Variants in DAB1 observed in about 807,000 individuals in gnomAD.
The protein encoded by DAB1 is disabled homolog 1.
Under a neutral mutation model 64.6 loss-of-function variants are expected in DAB1, and 15 were observed. The ratio of observed to expected loss-of-function variants is 0.23; its 90% confidence interval spans 0.16 to 0.36. The LOEUF (loss-of-function observed/expected upper bound fraction) is 0.36. Ranked by LOEUF, DAB1 falls within the 10% of genes least tolerant of loss-of-function variation. The probability of loss-of-function intolerance (pLI) is 1.00; values close to 1 mark genes in which losing one functional copy is unlikely to be tolerated. For missense variants in DAB1, 596 were observed against 706.7 expected (o/e 0.84, Z 1.78); for synonymous variants, 235 against 251.9 (o/e 0.93, Z 0.64).
intron 7 of DAB1, among the ~76,000 whole-genome samples, chr1:57,483,415 A>T (rs1427487092): frequency 2.0e-5 from 3 of 152,084 alleles, no homozygotes; most frequent in South Asian, 4.1e-4. Flanking sequence ...CTTGGTTCTC[A>T]TTCTCTCTTG....
chr1:57,542,566 G>A (rs1644814523), intron 7 of DAB1, among the ~76,000 whole-genome samples: 1 of 151,644 alleles, frequency 6.6e-6, no homozygotes, highest in South Asian at 2.1e-4. Context: ...CAAAGGAGGT[G>A]CAGGGAGAGG....
intron 4 of DAB1, among the ~76,000 whole-genome samples, chr1:58,242,179 A>G (rs1660325811): frequency 6.6e-6 from 1 of 152,128 alleles, no homozygotes; most frequent in Admixed American, 6.5e-5. Context: ...GGAGAGCTGG[A>G]TGACAGGGAG....
chr1:58,475,473 ATT>A (rs1645409689), intron 3 of DAB1, among the ~76,000 whole-genome samples: 1 of 138,934 alleles, frequency 7.2e-6, no homozygotes, highest in Non-Finnish European at 1.5e-5. Flanking sequence ...AATTAGGTTA[ATT>A]AAACACACAC....
intron 3 of DAB1, among the ~76,000 whole-genome samples, chr1:58,449,052 C>G (rs1645103411): frequency 1.3e-5 from 2 of 152,186 alleles, no homozygotes. Context: ...AAACCAAGGT[C>G]TGGCATAGAA....
At chr1:58,463,842 G>T (rs549687757) in intron 3 of DAB1, among the ~76,000 whole-genome samples, 1 of 152,370 alleles carries the variant, frequency 6.6e-6, no homozygotes, top group African/African-American at 2.4e-5. Context: ...TTTCAGTAGA[G>T]TTTGAGAATC....
In DAB1 at chr1:57,442,995, T is replaced by C. The variant is rs188675164; in HGVS notation, n.626-151829A>G. 3.8e-3 allele frequency among the ~76,000 whole-genome samples: 580 copies of C among 152,334 alleles called. 1 individual carries two copies. The highest frequency in any genetic ancestry group is 6.0e-3 in the Non-Finnish European group (411 of 68,018). On this transcript the variant is annotated intron_variant and non_coding_transcript_variant, in intron 7 of 20. Transcript: ENST00000485760. Reference sequence around the variant, plus strand: ...CCCATTATCTGCTACAGCACTCTCCTACCCCACCAGCACTTCTCTCAACCC... The same window carrying C: ...CCCATTATCTGCTACAGCACTCTCCCACCCCACCAGCACTTCTCTCAACCC...
chr1:57,018,113 A>G (rs2100345755), intron 11 of DAB1, among the ~76,000 whole-genome samples: 2 of 152,290 alleles, frequency 1.3e-5, no homozygotes, highest in Middle Eastern at 6.8e-3. Flanking sequence ...TTACATGGAA[A>G]TTCAGTTATC....
At chr1:57,875,246 T>C (rs1314000920) in intron 1 of DAB1, 2 of 152,294 alleles carry the variant, frequency 1.3e-5, no homozygotes, top group Non-Finnish European at 2.9e-5. Context: ...TATGTCTGGT[T>C]CTTGACTACC....
In DAB1 at chr1:57,638,776, A is replaced by C. The variant is rs558198843; in HGVS notation, n.625+10816T>G. ...ATTCCAGGTAGAAGAAATGGTATGG[A>C]AAGAGTTGGATCTTTTCTTGTAACA... On this transcript the variant is annotated intron_variant and non_coding_transcript_variant, in intron 7 of 20. Coordinates refer to the DAB1 transcript ENST00000485760. 2.0e-5 allele frequency among the ~76,000 whole-genome samples: 3 copies of C among 151,856 alleles called. No individual in the cohort carries two copies. The South Asian group carries it at 6.2e-4, about 32-fold the overall frequency.
At chr1:57,602,043 T>C (rs12036660) in intron 7 of DAB1, among the ~76,000 whole-genome samples, 34,752 of 151,996 alleles carry the variant, frequency 0.23, 4,395 homozygotes, top group East Asian at 0.32. Flanking sequence ...TTTATAGCTG[T>C]GTAATTTGGG....
At chr1:57,665,078 C>T (rs1170658614) in intron 6 of DAB1, among the ~76,000 whole-genome samples, 3 of 151,972 alleles carry the variant, frequency 2.0e-5, no homozygotes, top group Non-Finnish European at 4.4e-5. Flanking sequence ...AAAACCCAAA[C>T]ATCATTCTGA....
chr1:58,020,761 T>A (rs1169835565), intron 5 of DAB1, among the ~76,000 whole-genome samples: 2 of 152,158 alleles, frequency 1.3e-5, no homozygotes, highest in Non-Finnish European at 2.9e-5. Flanking sequence ...CCCAATGTTT[T>A]GGGGGCCGAA....
intron 1 of DAB1, among the ~76,000 whole-genome samples, chr1:58,545,638 C>T (rs183785460): frequency 1.1e-4 from 17 of 152,344 alleles, no homozygotes; most frequent in Non-Finnish European, 2.4e-4. Context: ...TTGTTAGCCT[C>T]TACGAACATT....
rs531067373 is a variant in DAB1 at position 57,569,029 on chromosome 1, C to T, written n.625+80563G>A. ...ATCCCAGCACTTTGGGAGGCCGAGG[C>T]GGGCGGATCACGAGGTCAGGAGATC... On this transcript the variant is annotated intron_variant and non_coding_transcript_variant, in intron 7 of 20. Coordinates refer to the DAB1 transcript ENST00000485760. Among the ~76,000 whole-genome samples the T allele has an allele frequency of 1.9e-4, 29 of 151,668 alleles. No homozygotes were observed. In the East Asian group the frequency reaches 4.5e-3, roughly 23 times the overall value.
intron 3 of DAB1, among the ~76,000 whole-genome samples, chr1:58,410,833 A>G (rs568915433): frequency 6.6e-6 from 1 of 150,506 alleles, no homozygotes; most frequent in East Asian, 1.9e-4. Flanking sequence ...CAATCCCATA[A>G]CCACCAATAG....
chr1:58,508,283 G>C (rs1307926559), intron 2 of DAB1, among the ~76,000 whole-genome samples: 2 of 152,116 alleles, frequency 1.3e-5, no homozygotes, highest in Admixed American at 6.6e-5. Flanking sequence ...TCCAAAATGA[G>C]TATTTTATTT....
At chr1:58,449,593 T>G (rs1645109995) in intron 3 of DAB1, among the ~76,000 whole-genome samples, 2 of 152,184 alleles carry the variant, frequency 1.3e-5, no homozygotes, top group South Asian at 4.1e-4. Context: ...TCCTGAAATC[T>G]CAGGGAGGCC....
intron 2 of DAB1, among the ~76,000 whole-genome samples, chr1:57,226,645 C>A (rs1667272070): frequency 7.3e-6 from 1 of 136,606 alleles, no homozygotes; most frequent in African/African-American, 3.0e-5. Context: ...AAGTCAGATC[C>A]TGTCACTCAA....
intron 7 of DAB1, among the ~76,000 whole-genome samples, chr1:57,548,595 C>CCTTATGTGATGAGGA (rs1553193235): frequency 6.6e-6 from 1 of 152,188 alleles, no homozygotes; most frequent in Non-Finnish European, 1.5e-5. Flanking sequence ...ACAATAACTA[C>CCTTATGTGATGAGGA]CTTATGTGAT....
Sources: allele counts gnomAD v4.1 joint callset (sites outside exome capture counted in the v4.1 genomes callset), GRCh38; gene constraint gnomAD v4.1.1; transcripts MANE v1.5; gene names NCBI Gene and HGNC (gene_info 2026-07-23, HGNC 2026-07-21).